Variants in SATL1 observed in about 807,000 individuals in gnomAD.
The protein encoded by SATL1 is spermidine/spermine N1-acetyl transferase like 1.
SATL1 carries 47 observed loss-of-function variants against 51.8 expected under a neutral mutation model. That is an observed-to-expected ratio of 0.91 (90% confidence interval 0.72 to 1.16). The LOEUF (loss-of-function observed/expected upper bound fraction) is 1.16. SATL1 is among the 50% of genes most tolerant of loss of function. The pLI, the probability that SATL1 is intolerant of heterozygous loss-of-function variation, is 0.00. For missense variants in SATL1, 520 were observed against 526.4 expected (o/e 0.99, Z 0.12); for synonymous variants, 176 against 182.4 (o/e 0.97, Z 0.28).
chrX:85,148,619 G>A (rs777485780), intron 2 of SATL1, among the ~76,000 whole-genome samples: 32 of 111,527 alleles, frequency 2.9e-4, no homozygotes, highest in African/African-American at 8.1e-4. Context: ...CGGATCTCTC[G>A]GCAAAAACTC....
At chrX:85,242,689 C>A (rs1386273443) in intron 1 of SATL1, among the ~76,000 whole-genome samples, 1 of 112,188 alleles carries the variant, frequency 8.9e-6, no homozygotes, top group Admixed American at 9.4e-5. Context: ...CTTCTCTGTG[C>A]CCACTGTGTA....
chrX:85,175,039 AC>A (rs1420749713), intron 2 of SATL1, among the ~76,000 whole-genome samples: 1 of 111,638 alleles, frequency 9.0e-6, no homozygotes, highest in Non-Finnish European at 1.9e-5. Context: ...TGTTGTGACA[AC>A]CAGGAAGCAA....
At chrX:85,166,672 C>G (rs1221433155) in intron 2 of SATL1, among the ~76,000 whole-genome samples, 1 of 110,330 alleles carries the variant, frequency 9.1e-6, no homozygotes. Context: ...TTTTACACTG[C>G]TGGTGGAAAT....
At chrX:85,102,072 ATT>A (rs2147685853) in intron 4 of SATL1, among the ~76,000 whole-genome samples, 1 of 71,765 alleles carries the variant, frequency 1.4e-5, no homozygotes, top group South Asian at 1.2e-3. Flanking sequence ...TAATTTTTAA[ATT>A]TTATTTATTT....
intron 2 of SATL1, among the ~76,000 whole-genome samples, chrX:85,201,264 T>C (rs1477863762): frequency 2.7e-5 from 3 of 111,266 alleles, no homozygotes; most frequent in African/African-American, 9.8e-5. Flanking sequence ...TACATTTCTA[T>C]GCTTCTGGCA....
chrX:85,186,125 G>A (rs952438158), intron 2 of SATL1, among the ~76,000 whole-genome samples: 4 of 109,533 alleles, frequency 3.7e-5, no homozygotes, highest in African/African-American at 6.6e-5. Context: ...CCAGAGCTGG[G>A]GCTTGAAATG....
intron 2 of SATL1, among the ~76,000 whole-genome samples, chrX:85,136,139 TGA>T (rs764632066): frequency 1.8e-5 from 2 of 109,560 alleles, no homozygotes; most frequent in African/African-American, 3.3e-5. Flanking sequence ...CATGAATAGT[TGA>T]GAGTGCAATT....
chrX:85,141,587 G>A (rs1238500232), intron 2 of SATL1, among the ~76,000 whole-genome samples: 1 of 111,738 alleles, frequency 8.9e-6, no homozygotes, highest in African/African-American at 3.3e-5. Context: ...CAGGAAAATA[G>A]AATTTGGTTT....
chrX:85,162,777 T>C (rs926000290), intron 2 of SATL1, among the ~76,000 whole-genome samples: 1 of 111,389 alleles, frequency 9.0e-6, no homozygotes, highest in Non-Finnish European at 1.9e-5. Context: ...TCAAATACTT[T>C]TTCTGCCCCC....
chrX:85,147,970 C>T (rs960843207), intron 2 of SATL1, among the ~76,000 whole-genome samples: 18 of 112,099 alleles, frequency 1.6e-4, no homozygotes, highest in Admixed American at 4.7e-4. Context: ...CAGAGTTGGA[C>T]GGAGAATGAC....
At position 85,220,644 on chromosome X, in the gene SATL1, T is replaced by TAAAAAAAAAAA. The variant is rs57383092; in HGVS notation, c.-313+3550_-313+3560dup. Among the ~76,000 whole-genome samples the TAAAAAAAAAAA allele has an allele frequency of 2.9e-4, 7 of 24,160 alleles. 2 individuals carry two copies. The highest frequency in any genetic ancestry group is 7.9e-4 in the African/African-American group (5 of 6,350). The allele number at this position is 24,160 out of a possible 115,157, so 21.0% of individuals were successfully genotyped here. ...TAGCTCCCAGGCAGCACTTCTGTGT[T>TAAAAAAAAAAA]AAAAAAAAAAAAAAAAAAAAAAAAA... is the stretch of plus-strand genomic sequence containing the variant. On this transcript the variant is annotated intron_variant, in intron 2 of 7. Transcript: ENST00000644105.
chrX:85,238,059 A>G (rs186721524), intron 1 of SATL1, among the ~76,000 whole-genome samples: 10 of 111,668 alleles, frequency 9.0e-5, no homozygotes, highest in Non-Finnish European at 1.7e-4. Flanking sequence ...ACAGGCAATA[A>G]CAAATGCTGG....
chrX:85,206,940 A>G (rs1927802296), intron 2 of SATL1, among the ~76,000 whole-genome samples: 2 of 111,383 alleles, frequency 1.8e-5, no homozygotes, highest in Admixed American at 1.9e-4. Flanking sequence ...ATTAATACAG[A>G]GGCAGATAGG....
chrX:85,207,990 T>A (rs1412751587), intron 2 of SATL1: 1 of 111,323 alleles, frequency 9.0e-6, no homozygotes, highest in African/African-American at 3.3e-5. Flanking sequence ...GCCATGTTGG[T>A]TTGCAGCACG....
rs758359999 is a variant in SATL1, at chrX:85,132,201, G to T, written c.-312-22921C>A. 4.5e-5 allele frequency among the ~76,000 whole-genome samples: 5 copies of T among 111,727 alleles called. No individual in the cohort carries two copies. The South Asian group carries it at 1.9e-3, about 42-fold the overall frequency. Reference sequence around the variant, plus strand: ...CTGAATTTGAATGTTGGCCTGCCTTGCTAGGTTGGGGAAGTTCTCCTGGAT... The same window carrying T: ...CTGAATTTGAATGTTGGCCTGCCTTTCTAGGTTGGGGAAGTTCTCCTGGAT... On this transcript the variant is annotated intron_variant, in intron 2 of 7. Transcript: ENST00000644105.
intron 5 of SATL1, 93 bp downstream of exon 5, chrX:85,094,823 C>T: frequency 1.7e-6 from 1 of 576,370 alleles, no homozygotes; most frequent in Non-Finnish European, 2.9e-6. Flanking sequence ...TTCTCTTCTG[C>T]TTAATAGTAA....
chrX:85,123,502 C>T (rs374447301), intron 2 of SATL1, among the ~76,000 whole-genome samples: 7 of 111,333 alleles, frequency 6.3e-5, no homozygotes, highest in Admixed American at 3.8e-4. Flanking sequence ...CACTTTTTAA[C>T]GGGGGTGTTG....
At chrX:85,153,198 T>C (rs1388815461) in intron 2 of SATL1, among the ~76,000 whole-genome samples, 2 of 110,572 alleles carry the variant, frequency 1.8e-5, no homozygotes, top group African/African-American at 6.6e-5. Context: ...AGGTAGATTT[T>C]GCTGGCAGTC....
At chrX:85,200,755 A>G (rs920410122) in intron 2 of SATL1, among the ~76,000 whole-genome samples, 15 of 111,528 alleles carry the variant, frequency 1.3e-4, no homozygotes, top group Non-Finnish European at 2.6e-4. Flanking sequence ...GTGGTATAAA[A>G]AAGTTTTTTT....
Sources: gnomAD v4.1 joint callset for allele counts (sites outside exome capture counted in the v4.1 genomes callset) on GRCh38, gnomAD v4.1.1 for gene constraint, MANE v1.5 for transcripts, NCBI Gene and HGNC (gene_info 2026-07-23, HGNC 2026-07-21) for gene names.